MGAT4C: variants seen among roughly 807,000 people sequenced by gnomAD.
MGAT4C encodes the protein alpha-1,3-mannosyl-glycoprotein 4-beta-N-acetylglucosaminyltransferase C.
In MGAT4C, 19 loss-of-function variants were observed where a neutral mutation model predicts 40.1. The observed-to-expected ratio is 0.47, with a 90% CI of 0.33 to 0.70. MGAT4C has a LOEUF of 0.70. Among genes scored for constraint, MGAT4C ranks in the 30% least tolerant of loss-of-function variants. The probability of loss-of-function intolerance (pLI) is 0.02; values close to 1 mark genes in which losing one functional copy is unlikely to be tolerated. For missense variants in MGAT4C, 491 were observed against 563.2 expected (o/e 0.87, Z 1.30); for synonymous variants, 181 against 187.1 (o/e 0.97, Z 0.27).
At chr12:86,814,199 A>G (rs1952538327) in intron 1 of MGAT4C, among the ~76,000 whole-genome samples, 1 of 151,108 alleles carries the variant, frequency 6.6e-6, no homozygotes, top group Admixed American at 6.6e-5. Flanking sequence ...TTTGCAAATT[A>G]TTTATTTTTT....
intron 3 of MGAT4C, among the ~76,000 whole-genome samples, chr12:86,375,782 TAAC>T (rs1305939942): frequency 3.9e-5 from 6 of 152,066 alleles, no homozygotes; most frequent in Non-Finnish European, 8.8e-5. Context: ...ATGAGAACAC[TAAC>T]AATGAGAACA....
At chr12:86,184,738 TAAAAAAAAAAAA>T (rs34098097) in intron 1 of MGAT4C, among the ~76,000 whole-genome samples, 1 of 86,910 alleles carries the variant, frequency 1.2e-5, no homozygotes, top group Non-Finnish European at 2.2e-5. Flanking sequence ...TTTCTCCTGT[TAAAAAAAAAAAA>T]AAAAAAAAAA....
intron 2 of MGAT4C, among the ~76,000 whole-genome samples, chr12:86,468,220 T>C (rs374735244): frequency 6.6e-6 from 1 of 152,154 alleles, no homozygotes. Context: ...CCATGTTCAT[T>C]GACAATAACT....
chr12:86,143,047 A>G (rs752181404), intron 1 of MGAT4C, among the ~76,000 whole-genome samples: 8 of 152,164 alleles, frequency 5.3e-5, no homozygotes, highest in Non-Finnish European at 1.0e-4. Flanking sequence ...TGAGCCAGAA[A>G]CAGAACCCTT....
chr12:85,983,476 G>A, intron 4 of MGAT4C, 47 bp downstream of exon 4: 2 of 1,420,422 alleles, frequency 1.4e-6, no homozygotes, highest in Non-Finnish European at 1.9e-6. Flanking sequence ...TTATTTTAAT[G>A]CAAAATATTT....
chr12:86,321,204 TA>T, intron 4 of MGAT4C, among the ~76,000 whole-genome samples: 1 of 152,258 alleles, frequency 6.6e-6, no homozygotes, highest in South Asian at 2.1e-4. Context: ...AAAATTATTT[TA>T]AAAATTTGAC....
At chr12:86,149,855 T>C (rs576879258) in intron 1 of MGAT4C, among the ~76,000 whole-genome samples, 9 of 152,278 alleles carry the variant, frequency 5.9e-5, no homozygotes, top group Admixed American at 5.9e-4. Flanking sequence ...CATTCATAAA[T>C]TAAAGAGAGT....
chr12:86,418,683 T>C (rs1322832555), intron 3 of MGAT4C, among the ~76,000 whole-genome samples: 2 of 152,056 alleles, frequency 1.3e-5, no homozygotes, highest in Admixed American at 6.6e-5. Flanking sequence ...AAAGTATAAA[T>C]GCATATTTAG....
At chr12:86,545,240 T>C (rs10745421) in intron 2 of MGAT4C, among the ~76,000 whole-genome samples, 140,643 of 152,062 alleles carry the variant, frequency 0.92, 65,175 homozygotes, top group East Asian at 1. Context: ...ATGCAACTTA[T>C]TGACATGAAG....
At chr12:86,021,980 A>G (rs1889778956) in intron 2 of MGAT4C, among the ~76,000 whole-genome samples, 1 of 152,228 alleles carries the variant, frequency 6.6e-6, no homozygotes, top group South Asian at 2.1e-4. Context: ...TTTACATTGA[A>G]GTAAAATGCT....
In MGAT4C at chr12:85,976,597, AT is replaced by A. The variant is rs1224952575; in HGVS notation, c.*2691del. ...TGTATGGCAATTAAATGACTCAGCCATTCATGTCTCATGCCAGTCTTTTTCA... is the reference window on the plus strand; with the variant it reads ...TGTATGGCAATTAAATGACTCAGCCATCATGTCTCATGCCAGTCTTTTTCA... On this transcript the variant is annotated 3_prime_UTR_variant, in exon 5 of 5. Coordinates refer to ENST00000611864, the MANE Select transcript of MGAT4C (RefSeq NM_001351288.2). 1 of 148,938 alleles carries A rather than the reference AT, an allele frequency of 6.7e-6. No homozygotes were observed. Among genetic ancestry groups the A allele is most frequent in the African/African-American group, 2.4e-5 (1 of 40,978 alleles). The allele number at this position is 148,938 out of a possible 1,614,324, so 9.2% of individuals were successfully genotyped here.
chr12:86,494,555 A>G (rs1191490644), intron 2 of MGAT4C, among the ~76,000 whole-genome samples: 1 of 151,828 alleles, frequency 6.6e-6, no homozygotes, highest in Non-Finnish European at 1.5e-5. Flanking sequence ...TTATTTAGTT[A>G]TGTGATTTCA....
chr12:86,096,648 G>T (rs1002125244), intron 1 of MGAT4C, among the ~76,000 whole-genome samples: 3 of 151,050 alleles, frequency 2.0e-5, no homozygotes, highest in African/African-American at 4.8e-5. Flanking sequence ...GATTTACGTT[G>T]TTCTTTTATA....
In MGAT4C at chr12:86,124,589, G is replaced by A. The variant is rs1352718248; in HGVS notation, c.-56-74866C>T. Among the ~76,000 whole-genome samples, 4 of 152,172 alleles carry A rather than the reference G, an allele frequency of 2.6e-5. No homozygotes were observed. The East Asian group carries it at 7.7e-4, about 29-fold the overall frequency. ...AGTGCTAATGATCAGTGGAGCAGAT[G>A]TGGCTCATAAAATTTCGGCTGAAAA... On this transcript the variant is annotated intron_variant, in intron 1 of 4. Transcript: ENST00000611864.
intron 1 of MGAT4C, among the ~76,000 whole-genome samples, chr12:86,061,903 C>T (rs1371091034): frequency 6.6e-6 from 1 of 152,194 alleles, no homozygotes; most frequent in Non-Finnish European, 1.5e-5. Context: ...ACCCCCACCT[C>T]CCTGGGACAG....
At chr12:86,641,285 C>T (rs1287302505) in intron 2 of MGAT4C, among the ~76,000 whole-genome samples, 1 of 151,178 alleles carries the variant, frequency 6.6e-6, no homozygotes, top group Non-Finnish European at 1.5e-5. Context: ...AACCAAACAC[C>T]ACATATTCTC....
At chr12:86,803,279 G>T (rs1952269862) in intron 1 of MGAT4C, among the ~76,000 whole-genome samples, 1 of 151,152 alleles carries the variant, frequency 6.6e-6, no homozygotes, top group African/African-American at 2.4e-5. Context: ...ATGGATTAAA[G>T]ATTTAAACGT....
At chr12:86,600,594 T>TGG in intron 2 of MGAT4C, among the ~76,000 whole-genome samples, 1 of 152,196 alleles carries the variant, frequency 6.6e-6, no homozygotes, top group African/African-American at 2.4e-5. Flanking sequence ...GCACAAAGTA[T>TGG]GGCCCATCTA....
chr12:86,356,651 C>T lies in MGAT4C; in HGVS notation c.-119-22524G>A, dbSNP rs147750988. Among the ~76,000 whole-genome samples, 41 of 152,260 alleles carry T rather than the reference C, an allele frequency of 2.7e-4. No individual in the cohort carries two copies. The East Asian group carries it at 7.7e-3, about 29-fold the overall frequency. On this transcript the variant is annotated intron_variant, in intron 3 of 7. Coordinates refer to the MGAT4C transcript ENST00000548651. ...TACTGGGCTTTTCCAAGGGTCTTAG[C>T]AAATGGCACACCAGGAGATTATATC...
Sources: gnomAD v4.1 joint callset for allele counts (sites outside exome capture counted in the v4.1 genomes callset) on GRCh38, gnomAD v4.1.1 for gene constraint, MANE v1.5 for transcripts, NCBI Gene and HGNC (gene_info 2026-07-23, HGNC 2026-07-21) for gene names.